The following CSTL1 variants were observed in gnomAD, a reference collection of about 807,000 sequenced individuals.
CSTL1 encodes cystatin-like 1.
Under a neutral mutation model 14.4 loss-of-function variants are expected in CSTL1, and 14 were observed. The ratio of observed to expected loss-of-function variants is 0.97; its 90% CI spans 0.64 to 1.52. The LOEUF is 1.52. Among genes scored for constraint, CSTL1 ranks in the 40% most tolerant of loss-of-function variants. The pLI, the probability that CSTL1 is intolerant of heterozygous loss-of-function variation, is 0.00. For synonymous variants in CSTL1, 72 were observed against 67.5 expected (o/e 1.07, Z -0.33); for missense variants, 170 against 168.7 (o/e 1.01, Z -0.04).
chr20:23,457,367 G>C, the CSTL1 span, among the ~76,000 whole-genome samples: 2 of 152,090 alleles, frequency 1.3e-5, 1 homozygote, highest in Non-Finnish European at 2.9e-5. Flanking sequence ...AATTCAGGTG[G>C]CTTCTGTATC....
chr20:23,443,124 G>A (rs993137067), intron 2 of CSTL1, among the ~76,000 whole-genome samples: 1 of 152,062 alleles, frequency 6.6e-6, no homozygotes, highest in African/African-American at 2.4e-5. Flanking sequence ...GAGGAAACTG[G>A]CATTATTCTC....
At position 23,440,475 on chromosome 20, in the gene CSTL1, A is replaced by T. The variant is rs1344133745; in HGVS notation, c.208A>T (p.Ser70Cys). 9.3e-6 allele frequency: 15 copies of T among 1,612,662 alleles called. No homozygotes were observed. The East Asian group carries it at 3.3e-4, about 36-fold the overall frequency. The change falls in exon 2 of 4, where the codon AGT becomes TGT. Residue 70 changes from serine to cysteine, a missense_variant. Physicochemically the swap from Ser to Cys is moderately radical, Grantham distance 112 (BLOSUM62 -1). Coordinates refer to ENST00000347397, the MANE Select transcript of CSTL1 (RefSeq NM_138283.1). ...YLYRVQRLIRSQMQLTTGVEY... is the reference protein window; with the variant it reads ...YLYRVQRLIRCQMQLTTGVEY... ...ATATCGAGTCCAGAGGCTAATTCGA[A>T]GTCAGATGCAGGTTTGTACCTTGCT...
chr20:23,442,572 A>G (rs1327954606), intron 2 of CSTL1: 2 of 152,216 alleles, frequency 1.3e-5, no homozygotes, highest in Non-Finnish European at 2.9e-5. Context: ...TTACATTCTG[A>G]GCATGCTGAA....
At chr20:23,443,422 T>C (rs1021761927) in intron 2 of CSTL1, among the ~76,000 whole-genome samples, 50 of 152,328 alleles carry the variant, frequency 3.3e-4, no homozygotes, top group African/African-American at 1.1e-3. Context: ...GCTAAGTAAC[T>C]TGCTCAAGGT....
intron 2 of CSTL1, chr20:23,442,256 G>A (rs893063669): frequency 1.3e-5 from 2 of 152,202 alleles, no homozygotes; most frequent in South Asian, 4.1e-4. Flanking sequence ...ACACCTCACA[G>A]AGGGGACAAG....
At chr20:23,445,419 A>G (rs1441057555), downstream of CSTL1, among the ~76,000 whole-genome samples, 3 of 151,858 alleles carry the variant, frequency 2.0e-5, no homozygotes, top group African/African-American at 4.8e-5. Flanking sequence ...TGTCCAGCTA[A>G]TTTTTTAAAA....
At chr20:23,452,994 G>A in the CSTL1 span, 5 of 601,830 alleles carry the variant, frequency 8.3e-6, no homozygotes, top group African/African-American at 9.3e-5. Context: ...GCAAGAGACT[G>A]TGCAATGGTT....
the CSTL1 span, among the ~76,000 whole-genome samples, chr20:23,457,351 G>T: frequency 2.0e-5 from 3 of 152,104 alleles, no homozygotes; most frequent in Non-Finnish European, 4.4e-5. Context: ...CTCAACATGG[G>T]TGAGCAATTC....
At chr20:23,460,201 A>G in the CSTL1 span, among the ~76,000 whole-genome samples, 5 of 152,202 alleles carry the variant, frequency 3.3e-5, no homozygotes, top group Non-Finnish European at 7.3e-5. Flanking sequence ...GTGACTGCCT[A>G]ACAGCTGAGC....
downstream of CSTL1, among the ~76,000 whole-genome samples, chr20:23,448,015 C>T (rs1192233943): frequency 2.0e-5 from 3 of 151,636 alleles, no homozygotes; most frequent in East Asian, 5.8e-4. Context: ...ACTTTAGAGT[C>T]ATCTCTTATT....
At chr20:23,458,999 T>C in the CSTL1 span, 1 of 152,312 alleles carries the variant, frequency 6.6e-6, no homozygotes, top group Non-Finnish European at 1.5e-5. Flanking sequence ...ATACGTGCTG[T>C]AGCTCTGTCT....
At chr20:23,440,575 C>A in intron 2 of CSTL1, 89 bp downstream of exon 2, 1 of 985,374 alleles carries the variant, frequency 1.0e-6, no homozygotes, top group Non-Finnish European at 1.6e-6. Context: ...CCAAGAGAAC[C>A]AAGTGGTGGT....
At chr20:23,440,669 C>T (rs1371593139) in intron 2 of CSTL1, 183 bp downstream of exon 2, 2 of 695,526 alleles carry the variant, frequency 2.9e-6, no homozygotes, top group African/African-American at 1.8e-5. Flanking sequence ...TGTCCTTAGC[C>T]ATGCTTCCAA....
intron 2 of CSTL1, among the ~76,000 whole-genome samples, chr20:23,442,990 C>T (rs1290899716): frequency 6.6e-6 from 1 of 152,220 alleles, no homozygotes; most frequent in African/African-American, 2.4e-5. Flanking sequence ...AGGCTCCAAC[C>T]CCTGCAGGCT....
chr20:23,452,229 A>C, the CSTL1 span, among the ~76,000 whole-genome samples: 2 of 152,168 alleles, frequency 1.3e-5, no homozygotes, highest in Non-Finnish European at 2.9e-5. Context: ...TAAACATCTT[A>C]CGTTTTATTG....
chr20:23,447,410 G>A (rs928136656), downstream of CSTL1, among the ~76,000 whole-genome samples: 21 of 151,756 alleles, frequency 1.4e-4, no homozygotes, highest in Admixed American at 2.6e-4. Flanking sequence ...ATTAACAAGC[G>A]TGAGTGTGCC....
At chr20:23,451,908 GGTGGTCA>G in the CSTL1 span, 29 of 1,613,682 alleles carry the variant, frequency 1.8e-5, no homozygotes, top group Non-Finnish European at 2.5e-5. Flanking sequence ...TGATACTCCA[GGTGGTCA>G]GTGACCTGTG....
At chr20:23,444,390 C>A (rs1272548421) in intron 3 of CSTL1, among the ~76,000 whole-genome samples, 2 of 152,248 alleles carry the variant, frequency 1.3e-5, no homozygotes, top group African/African-American at 4.8e-5. Context: ...TTGTTCCCTT[C>A]TATTTTTCCT....
the CSTL1 span, among the ~76,000 whole-genome samples, chr20:23,459,905 G>T: frequency 6.6e-6 from 1 of 152,134 alleles, no homozygotes. Flanking sequence ...GTTCACTCTG[G>T]CCTCTCCCTG....
Sources: gnomAD v4.1 joint callset for allele counts (sites outside exome capture counted in the v4.1 genomes callset) on GRCh38, gnomAD v4.1.1 for gene constraint, MANE v1.5 for transcripts, NCBI Gene and HGNC (gene_info 2026-07-23, HGNC 2026-07-21) for gene names.